Variants in FEZF1 observed in about 807,000 individuals in gnomAD.
FEZF1 encodes fez family zinc finger protein 1.
FEZF1 carries 8 observed loss-of-function variants against 32.4 expected under a neutral mutation model. The observed-to-expected ratio is 0.25, with a 90% CI of 0.15 to 0.45. FEZF1 has a LOEUF of 0.45. Ranked by LOEUF, FEZF1 falls within the 20% of genes least tolerant of loss-of-function variation. FEZF1 has a pLI of 1.00. For synonymous variants in FEZF1, 259 were observed against 265.2 expected (o/e 0.98, Z 0.23); for missense variants, 546 against 622.3 (o/e 0.88, Z 1.31).
In FEZF1 at chr7:122,301,455, T is replaced by C. The variant is rs1475825438; in HGVS notation, c.*542A>G. On this transcript the variant is annotated 3_prime_UTR_variant, in exon 4 of 4. Coordinates refer to ENST00000442488, the MANE Select transcript of FEZF1 (RefSeq NM_001024613.4). ...GGTGTGTGCTCACGAATGTGGAATG[T>C]ACCCCTATGGGCGCACACATCTATG... 6.6e-6 allele frequency: 1 copy of C among 152,414 alleles called. No individual in the cohort carries two copies. The highest frequency in any genetic ancestry group is 1.5e-5 in the Non-Finnish European group (1 of 68,180). The allele number at this position is 152,414 out of a possible 1,614,324, so 9.4% of individuals were successfully genotyped here.
chr7:122,308,768 C>T (rs375774535), upstream of FEZF1, among the ~76,000 whole-genome samples: 6 of 152,230 alleles, frequency 3.9e-5, no homozygotes, highest in South Asian at 1.0e-3. Context: ...TGACCCCCAG[C>T]CCCTTCACCA....
At position 122,301,945 on chromosome 7, in the gene FEZF1, C is replaced by A; in HGVS notation, c.*52G>T. 1 of 1,538,944 alleles carries A rather than the reference C, an allele frequency of 6.5e-7. No homozygotes were observed. Among genetic ancestry groups the A allele is most frequent in the South Asian group, 1.2e-5 (1 of 82,596 alleles). Reference sequence around the variant, plus strand: ...ACTCGGACCAGGAGCTCTAGTCTGCCGCTGCCTCAGCGTGGGGGCACGGCT... The same window carrying A: ...ACTCGGACCAGGAGCTCTAGTCTGCAGCTGCCTCAGCGTGGGGGCACGGCT... On this transcript the variant is annotated 3_prime_UTR_variant, in exon 4 of 4. Transcript: ENST00000442488.
intron 1 of FEZF1, chr7:122,310,057 T>A (rs1372234689): frequency 1.3e-5 from 2 of 152,188 alleles, no homozygotes; most frequent in Non-Finnish European, 2.9e-5. Flanking sequence ...TCCCATGAAA[T>A]AAAAGTCGAT....
At position 122,302,974 on chromosome 7, in the gene FEZF1, T is replaced by G. The variant is rs543678437; in HGVS notation, c.937-43A>C. Reference sequence around the variant, plus strand: ...AAAGCAGAGACATTTAGATATTTTCTAATTATGTGAAGTTCTGCAAGCTCA... The same window carrying G: ...AAAGCAGAGACATTTAGATATTTTCGAATTATGTGAAGTTCTGCAAGCTCA... On this transcript the variant is annotated intron_variant, in intron 2 of 3. Coordinates refer to ENST00000442488, the MANE Select transcript of FEZF1 (RefSeq NM_001024613.4). This position sits in a 1 kb window ranked among gnomAD's most constrained non-coding sequence, Gnocchi z 4.4. 28 of 1,574,610 alleles carry G rather than the reference T, an allele frequency of 1.8e-5. No homozygotes were observed. The Admixed American group carries it at 5.2e-4, about 29-fold the overall frequency.
chr7:122,309,231 T>G (rs1584964660), upstream of FEZF1, among the ~76,000 whole-genome samples: 1 of 152,326 alleles, frequency 6.6e-6, no homozygotes, highest in East Asian at 1.9e-4. Context: ...ATAAAGAATT[T>G]TTGCTAAGTT....
chr7:122,310,577 G>A (rs1389650355), exon 1 of FEZF1: 1 of 152,366 alleles, frequency 6.6e-6, no homozygotes, highest in African/African-American at 2.4e-5. Context: ...GCGGCTGGGA[G>A]TTGGGGCGCA....
At chr7:122,306,805 C>G (rs895839231), upstream of FEZF1, 7 of 152,294 alleles carry the variant, frequency 4.6e-5, no homozygotes, top group African/African-American at 1.7e-4. Flanking sequence ...GGGAGTGCCT[C>G]GTTTCAGGCC....
upstream of FEZF1, chr7:122,304,894 C>T (rs13238374): frequency 0.038 from 5,883 of 155,132 alleles, 160 homozygotes; most frequent in Non-Finnish European, 0.052. Flanking sequence ...CGCGCCCTCC[C>T]CTCTGCGCAC....
At chr7:122,307,607 A>G (rs548116228), upstream of FEZF1, 6 of 152,556 alleles carry the variant, frequency 3.9e-5, no homozygotes, top group Admixed American at 3.3e-4. Context: ...AAAGGAAAAA[A>G]TATTGGCTAA....
rs2031208344 is a variant in FEZF1 at position 122,304,505 on chromosome 7, C to T, written c.-68G>A. On this transcript the variant is annotated 5_prime_UTR_variant, in exon 1 of 4. The change abolishes the stop of an existing upstream ORF in the 5' untranslated region. Transcript: ENST00000442488. ...GTCCGTTGCCTTGTTCCCTGCTTGTCACAGACCTGCGGAGAGGGGGACGGG... is the reference window on the plus strand; with the variant it reads ...GTCCGTTGCCTTGTTCCCTGCTTGTTACAGACCTGCGGAGAGGGGGACGGG... 7.3e-7 allele frequency: 1 copy of T among 1,375,970 alleles called. No homozygotes were observed. The highest frequency in any genetic ancestry group is 9.8e-7 in the Non-Finnish European group (1 of 1,020,380). 85.2% of individuals were successfully genotyped at this position (1,375,970 alleles called of 1,614,324 possible).
In FEZF1 at chr7:122,303,877, A is replaced by G. The variant is rs749180825; in HGVS notation, c.561T>C (p.Ser187=). 2.5e-6 allele frequency: 4 copies of G among 1,614,052 alleles called. No individual in the cohort carries two copies. Among genetic ancestry groups the G allele is most frequent in the Non-Finnish European group, 3.4e-6 (4 of 1,180,024 alleles). ...NIHPVASYFL[S]SPLHPQPKTY... is the part of the protein sequence containing the mutation. ...TTTTTGGCTGCGGGTGCAAAGGGGAACTGAGGAAGTAGGAGGCCACCGGGT... is the reference window on the plus strand; with the variant it reads ...TTTTTGGCTGCGGGTGCAAAGGGGAGCTGAGGAAGTAGGAGGCCACCGGGT... The change falls in exon 1 of 4, where the codon AGT becomes AGC. Residue 187 remains serine (S), a synonymous_variant. Transcript: ENST00000442488.
upstream of FEZF1, among the ~76,000 whole-genome samples, chr7:122,309,242 C>T (rs2031362462): frequency 6.6e-6 from 1 of 152,072 alleles, no homozygotes; most frequent in South Asian, 2.1e-4. Flanking sequence ...TTGCTAAGTT[C>T]CTAAAGCAAT....
Position 122,304,253 on chromosome 7 carries a change from T to C in FEZF1, c.185A>G (p.Lys62Arg). The C allele has an allele frequency of 6.2e-7, 1 of 1,605,330 alleles. No individual in the cohort carries two copies. Among genetic ancestry groups the C allele is most frequent in the East Asian group, 2.2e-5 (1 of 44,658 alleles). ...CGACGAGTTGAGATGCAGAGAGTGC[T>C]TGGGTTCCCCCTTGGGTAAGGCTCC... Reference protein sequence around the residue: ...LQGALPKGEPKHSLHLNSSIP... With the variant: ...LQGALPKGEPRHSLHLNSSIP... The change falls in exon 1 of 4, where the codon AAG becomes AGG. Residue 62 changes from lysine (K) to arginine (R), a missense_variant. By Grantham distance (26) the Lys-to-Arg change is conservative (BLOSUM62 2). This residue lies in a region of FEZF1 where 345 missense variants were observed against 360.6 expected (regional missense o/e 0.96). Transcript: ENST00000442488.
chr7:122,309,893 A>C (rs1053666361), intron 1 of FEZF1: 1 of 152,230 alleles, frequency 6.6e-6, no homozygotes, highest in Non-Finnish European at 1.5e-5. Context: ...GTCCCTGGAC[A>C]ATTTTAAAGA....
chr7:122,302,318 C>T lies in FEZF1; in HGVS notation c.1107G>A (p.Glu369=), dbSNP rs2031072965. ...YKNHKLTHSG[E]KQFKCNICNK... ...TGCAGATATTGCACTTGAACTGCTT[C>T]TCCCCGCTGTGGGTCAACTTGTGGT... The change falls in exon 4 of 4, where the codon GAG becomes GAA. Residue 369 remains glutamate, a synonymous_variant. Transcript: ENST00000442488. The surrounding 1 kb of genome is among the most constrained non-coding windows in gnomAD (Gnocchi z 4.4). 2.5e-6 allele frequency: 4 copies of T among 1,614,022 alleles called. No individual in the cohort carries two copies. The Admixed American group carries it at 6.7e-5, about 27-fold the overall frequency.
rs1338785539 is a variant in FEZF1, at chr7:122,301,623, G to A, written c.*374C>T. The A allele has an allele frequency of 5.2e-6, 1 of 192,476 alleles. No homozygotes were observed. 11.9% of individuals were successfully genotyped at this position (192,476 alleles called of 1,614,324 possible). On this transcript the variant is annotated 3_prime_UTR_variant, in exon 4 of 4. Transcript: ENST00000442488. The stretch of plus-strand genomic sequence containing the variant: ...AAATTAAAATGATGCAGCATTCCCG[G>A]GTAGAATAATACAGATCTCAATAAA...
At position 122,301,842 on chromosome 7, in the gene FEZF1, G is replaced by A. The variant is rs903919438; in HGVS notation, c.*155C>T. 3 of 1,004,158 alleles carry A rather than the reference G, an allele frequency of 3.0e-6. No homozygotes were observed. In the Admixed American group the frequency reaches 7.8e-5, roughly 26 times the overall value. 62.2% of individuals were successfully genotyped at this position (1,004,158 alleles called of 1,614,324 possible). On this transcript the variant is annotated 3_prime_UTR_variant, in exon 4 of 4. Coordinates refer to ENST00000442488, the MANE Select transcript of FEZF1 (RefSeq NM_001024613.4). Reference sequence around the variant, plus strand: ...ACCATTTAGCAGGTGCATGCAAGAGGCGAAAGGCCAGGGGATGCAGAGGCT... The same window carrying A: ...ACCATTTAGCAGGTGCATGCAAGAGACGAAAGGCCAGGGGATGCAGAGGCT...
At chr7:122,306,438 T>C (rs2150618925), upstream of FEZF1, 1 of 152,282 alleles carries the variant, frequency 6.6e-6, no homozygotes, top group South Asian at 2.1e-4. Flanking sequence ...CACTCAAAGA[T>C]GCGAAACTGG....
chr7:122,304,106 G>T lies in FEZF1; in HGVS notation c.332C>A (p.Ser111Ter), dbSNP rs901307068. 1 of 1,586,024 alleles carries T rather than the reference G, an allele frequency of 6.3e-7. No homozygotes were observed. Among genetic ancestry groups the T allele is most frequent in the Non-Finnish European group, 8.6e-7 (1 of 1,165,958 alleles). Residue 111 changes from serine to a stop codon, truncating the protein, a stop_gained, in exon 1 of 4, where the codon TCG becomes TAG. Coordinates refer to ENST00000442488, the MANE Select transcript of FEZF1 (RefSeq NM_001024613.4). LOFTEE classifies it high-confidence loss of function. ...GTCGCTGCAGCTGAATGCGGGAGCC[G>T]AGGGCACCGCCGCGGGCGCCGCCGG... ...EAPAAPAAVPSAPAFSCSDLL... is the reference protein window; with the variant it reads ...EAPAAPAAVP
Sources: allele counts gnomAD v4.1 joint callset (sites outside exome capture counted in the v4.1 genomes callset), GRCh38; gene constraint gnomAD v4.1.1; regional missense constraint gnomAD v4.1.1; non-coding constraint Gnocchi (gnomAD v3.1); transcripts MANE v1.5; gene names NCBI Gene and HGNC (gene_info 2026-07-23, HGNC 2026-07-21).